SEC31B: variants seen among roughly 807,000 people sequenced by gnomAD.
The protein encoded by SEC31B is SEC31 homolog B, COPII component, also known as protein transport protein Sec31B.
SEC31B carries 113 observed loss-of-function variants against 135.0 expected under a neutral mutation model. The observed-to-expected ratio is 0.84, with a 90% CI of 0.72 to 0.98. The LOEUF (loss-of-function observed/expected upper bound fraction) is 0.98. Ranked by LOEUF, SEC31B falls within the 50% of genes least tolerant of loss-of-function variation. The pLI is 0.00. For synonymous variants in SEC31B, 508 were observed against 549.4 expected, an observed-to-expected ratio of 0.92 and a Z score of 1.05; for missense variants, 1,296 against 1,421.1, an observed-to-expected ratio of 0.91 and a Z score of 1.42.
intron 21 of SEC31B, 63 bp from the exon 22 acceptor site, chr10:100,489,824 T>C: frequency 1.2e-6 from 2 of 1,610,676 alleles, no homozygotes; most frequent in Non-Finnish European, 1.7e-6. Context: ...GTTTTTTATC[T>C]GAAGGCTGGA....
chr10:100,509,509 A>C lies in SEC31B; in HGVS notation c.206T>G (p.Phe69Cys), dbSNP rs768477197. 6.2e-7 allele frequency: 1 copy of C among 1,610,122 alleles called. No homozygotes were observed. Among genetic ancestry groups the C allele is most frequent in the Non-Finnish European group, 8.5e-7 (1 of 1,177,608 alleles). The change falls in exon 4 of 26, where the codon TTT (phenylalanine) becomes TGT (cysteine). Residue 69 changes from phenylalanine (F) to cysteine (C), a missense_variant and splice_region_variant. By Grantham distance (205) the Phe-to-Cys change is radical. Transcript: ENST00000370345. ...HRGVLSALSR[F>C]HKLVWGSFGS... Reference sequence around the variant, plus strand: ...AAAGCTCCCCCAGACCAGCTTGTGAAACCTATAAAGAGGAGGAACTGGCAT... The same window carrying C: ...AAAGCTCCCCCAGACCAGCTTGTGACACCTATAAAGAGGAGGAACTGGCAT...
rs762354289 is a variant in SEC31B at position 100,489,962 on chromosome 10, G to A, written c.2965+46C>T. The A allele has an allele frequency of 5.9e-6, 9 of 1,533,032 alleles. No homozygotes were observed. In the South Asian group the frequency reaches 1.2e-4, roughly 20 times the overall value. 95.0% of individuals were successfully genotyped at this position (1,533,032 alleles called of 1,614,324 possible). A position where few individuals can be genotyped will look rare whatever the true frequency, so the allele number is the denominator to read the frequency against. ...GACTCCCAAAGTAGTGAGAGGAGCA[G>A]GGGAGGCAATAACCCAGAAGAGGGA... On this transcript the variant is annotated intron_variant, in intron 21 of 25. Coordinates refer to ENST00000370345, the MANE Select transcript of SEC31B (RefSeq NM_015490.4).
At chr10:100,492,423 A>G (rs1645228062) in intron 19 of SEC31B, among the ~76,000 whole-genome samples, 1 of 152,126 alleles carries the variant, frequency 6.6e-6, no homozygotes, top group Non-Finnish European at 1.5e-5. Flanking sequence ...GGGTCTCACC[A>G]TGTTGGCCAG....
chr10:100,519,768 C>CG lies in SEC31B; in HGVS notation c.-46+13dup, dbSNP rs1418077386. 2.0e-5 allele frequency: 3 copies of CG among 152,268 alleles called. No individual in the cohort carries two copies. Among genetic ancestry groups the CG allele is most frequent in the African/African-American group, 7.2e-5 (3 of 41,464 alleles). The allele number at this position is 152,268 out of a possible 1,614,324, so 9.4% of individuals were successfully genotyped here. A position where few individuals can be genotyped will look rare whatever the true frequency, so the allele number is the denominator to read the frequency against. ...TCTGCTACCAGGGACCCCAGACCGG[C>CG]GGGGCGAACCAACCTGTGCGGAAGA... On this transcript the variant is annotated intron_variant, in intron 1 of 25. Transcript: ENST00000370345.
chr10:100,491,657 AATG>A (rs1457007886), intron 19 of SEC31B, among the ~76,000 whole-genome samples: 2 of 152,252 alleles, frequency 1.3e-5, no homozygotes, highest in Non-Finnish European at 2.9e-5. Context: ...TGATGACAGA[AATG>A]ATGCAGAAAA....
At position 100,506,027 on chromosome 10, in the gene SEC31B, A is replaced by G. The variant is rs770042999; in HGVS notation, c.1044+13T>C. 10 of 1,613,018 alleles carry G rather than the reference A, an allele frequency of 6.2e-6. No individual in the cohort carries two copies. Among genetic ancestry groups the G allele is most frequent in the Admixed American group, 1.7e-5 (1 of 59,996 alleles). On this transcript the variant is annotated intron_variant, in intron 9 of 25. Coordinates refer to ENST00000370345, the MANE Select transcript of SEC31B (RefSeq NM_015490.4). ...CCCCTTCCCTCCAGCATTCTCTACC[A>G]AGCCCTTCAAACCTTGTCAGCCTGT...
At position 100,497,179 on chromosome 10, in the gene SEC31B, A is replaced by G. The variant is rs779263952; in HGVS notation, c.2092T>C (p.Cys698Arg). 1 of 1,613,706 alleles carries G rather than the reference A, an allele frequency of 6.2e-7. No homozygotes were observed. The highest frequency in any genetic ancestry group is 8.5e-7 in the Non-Finnish European group (1 of 1,179,898). Reference protein sequence around the residue: ...CSGSVERLVECWAKCHQALSP... With the variant: ...CSGSVERLVERWAKCHQALSP... ...AAAGCCTGGTGGCATTTTGCCCAGC[A>G]CTCCACCAGCCGCTCCACACTCCCT... Residue 698 changes from cysteine to arginine, a missense_variant, in exon 17 of 26, where the codon TGC becomes CGC. Physicochemically the swap from Cys to Arg is radical, Grantham distance 180. Transcript: ENST00000370345.
rs1304496418 is a variant in SEC31B at position 100,497,802 on chromosome 10, G to A, written c.1864-9C>T. 1 of 1,614,084 alleles carries A rather than the reference G, an allele frequency of 6.2e-7. No homozygotes were observed. Among genetic ancestry groups the A allele is most frequent in the African/African-American group, 1.3e-5 (1 of 74,930 alleles). ...ACAACACAGGCTAGAAGCTGTAATGGGCAGAGAGGGAAAGAGACCATCAGC... is the reference window on the plus strand; with the variant it reads ...ACAACACAGGCTAGAAGCTGTAATGAGCAGAGAGGGAAAGAGACCATCAGC... On this transcript the variant is annotated splice_polypyrimidine_tract_variant and intron_variant, in intron 15 of 25. Transcript: ENST00000370345.
chr10:100,498,516 A>AAAATCTGTTGG (rs1201781276), intron 14 of SEC31B, among the ~76,000 whole-genome samples, 189 bp downstream of exon 14: 1 of 152,180 alleles, frequency 6.6e-6, no homozygotes, highest in African/African-American at 2.4e-5. Context: ...AAGGCCTTCC[A>AAAATCTGTTGG]TAGGAAGGAC....
chr10:100,511,517 C>A (rs1236594101), intron 3 of SEC31B, among the ~76,000 whole-genome samples: 1 of 152,216 alleles, frequency 6.6e-6, no homozygotes, highest in Non-Finnish European at 1.5e-5. Context: ...CACCTATAAT[C>A]CCAGCTACTC....
intron 11 of SEC31B, 89 bp from the exon 12 acceptor site, chr10:100,499,687 A>C: frequency 2.2e-6 from 2 of 929,036 alleles, no homozygotes; most frequent in Non-Finnish European, 3.4e-6. Context: ...GTGCCAGTAT[A>C]CCCAATATAG....
intron 11 of SEC31B, 37 bp downstream of exon 11, chr10:100,502,217 G>T: frequency 6.5e-7 from 1 of 1,541,858 alleles, no homozygotes. Flanking sequence ...AGGCTTTGGG[G>T]AGACACTTCT....
At chr10:100,508,572 G>T in intron 5 of SEC31B, 1 of 458,914 alleles carries the variant, frequency 2.2e-6, no homozygotes, top group Non-Finnish European at 4.3e-6. Flanking sequence ...ACCCCCAACT[G>T]CATGGCAGAG....
In SEC31B at chr10:100,516,193, AG is replaced by A; in HGVS notation, c.105del (p.Ser36ProfsTer22). ...TCCAATGTGCCATTTGTGCTGAAGG[AG>A]GAATCTAGCTGTTGGGCAGATGTTC... Reference protein sequence around the residue: ...ATGTSAQQLDSSFSTNGTLEI... With the variant: ...ATGTSAQQLDXSFSTNGTLEI... On this transcript the variant is annotated frameshift_variant, in exon 3 of 26. Coordinates refer to ENST00000370345, the MANE Select transcript of SEC31B (RefSeq NM_015490.4). LOFTEE classifies it high-confidence loss of function. 2 of 1,614,000 alleles carry A rather than the reference AG, an allele frequency of 1.2e-6. No individual in the cohort carries two copies. The highest frequency in any genetic ancestry group is 1.7e-6 in the Non-Finnish European group (2 of 1,179,958).
At chr10:100,498,412 G>A (rs548777875) in intron 14 of SEC31B, 1 of 619,788 alleles carries the variant, frequency 1.6e-6, no homozygotes, top group South Asian at 2.0e-5. Context: ...GGAGGGAACT[G>A]ATGTGGCAGT....
intron 22 of SEC31B, 140 bp from the exon 23 acceptor site, chr10:100,489,538 T>C (rs560532367): frequency 7.5e-7 from 1 of 1,332,190 alleles, no homozygotes; most frequent in African/African-American, 1.5e-5. Context: ...CTGGTGTATG[T>C]GTGTAAGAGG....
intron 4 of SEC31B, 91 bp downstream of exon 4, chr10:100,509,225 A>G (rs1465027314): frequency 6.7e-7 from 1 of 1,500,712 alleles, no homozygotes; most frequent in African/African-American, 1.4e-5. Context: ...GAAAGGGGTC[A>G]GAGTTACAGA....
rs1027814425 is a variant in SEC31B, at chr10:100,519,804, G to C, written c.-68C>G. 6.6e-6 allele frequency: 1 copy of C among 152,296 alleles called. No homozygotes were observed. Among genetic ancestry groups the C allele is most frequent in the Non-Finnish European group, 1.5e-5 (1 of 68,096 alleles). 9.4% of individuals were successfully genotyped at this position (152,296 alleles called of 1,614,324 possible). On this transcript the variant is annotated 5_prime_UTR_variant, in exon 1 of 26. Coordinates refer to ENST00000370345, the MANE Select transcript of SEC31B (RefSeq NM_015490.4). ...AACCTGTGCGGAAGACCCCGGACAA[G>C]GGTCAGGCGCGGCGGCCGGAGCCGC...
chr10:100,496,313 G>T lies in SEC31B; in HGVS notation c.2255C>A (p.Ala752Glu). 1.2e-6 allele frequency: 2 copies of T among 1,614,206 alleles called. No individual in the cohort carries two copies. Among genetic ancestry groups the T allele is most frequent in the Non-Finnish European group, 1.7e-6 (2 of 1,180,020 alleles). The change falls in exon 18 of 26, where the codon GCA (alanine) becomes GAA (glutamate). Residue 752 changes from alanine to glutamate, a missense_variant. By Grantham distance (107) the Ala-to-Glu change is moderately radical (BLOSUM62 -1). Coordinates refer to ENST00000370345, the MANE Select transcript of SEC31B (RefSeq NM_015490.4). ...YRVTQYANLL[A>E]AQGSLATAMS... The stretch of plus-strand genomic sequence containing the variant: ...GGCAGTGGCCAGGCTGCCCTGGGCT[G>T]CCAGGAGGTTGGCATACTGAGTGAC...
Sources: gnomAD v4.1 joint callset for allele counts (sites outside exome capture counted in the v4.1 genomes callset) on GRCh38, gnomAD v4.1.1 for gene constraint, MANE v1.5 for transcripts, NCBI Gene and HGNC (gene_info 2026-07-23, HGNC 2026-07-21) for gene names.